ZDHHC3: variants seen among roughly 807,000 people sequenced by gnomAD.
ZDHHC3 encodes the protein zDHHC palmitoyltransferase 3.
In ZDHHC3, 9 loss-of-function variants were observed where a neutral mutation model predicts 30.6. The ratio of observed to expected loss-of-function variants is 0.29; its 90% CI spans 0.18 to 0.51. ZDHHC3 has a LOEUF of 0.51. Ranked by LOEUF, ZDHHC3 falls within the 20% of genes least tolerant of loss-of-function variation. The pLI is 0.97. For missense variants in ZDHHC3, 246 were observed against 384.2 expected (o/e 0.64, Z 3.01); for synonymous variants, 136 against 140.2 (o/e 0.97, Z 0.21).
chr3:44,964,807 C>G (rs1230956304), intron 1 of ZDHHC3, among the ~76,000 whole-genome samples: 1 of 152,194 alleles, frequency 6.6e-6, no homozygotes, highest in Non-Finnish European at 1.5e-5. Context: ...CATTTTGTAA[C>G]TTGAATTATA....
rs192702886 is a variant in ZDHHC3 at position 44,917,319 on chromosome 3, C to T, written c.*9370G>A. On this transcript the variant is annotated 3_prime_UTR_variant, in exon 7 of 7. Coordinates refer to ENST00000424952, the MANE Select transcript of ZDHHC3 (RefSeq NM_001135179.2). Reference sequence around the variant, plus strand: ...CAGGTAGATGTGGCAGCCACCTCTACCTCCTAATTTCGGCAGGCAGCATGG... The same window carrying T: ...CAGGTAGATGTGGCAGCCACCTCTATCTCCTAATTTCGGCAGGCAGCATGG... 2.4e-3 allele frequency: 391 copies of T among 162,276 alleles called. No individual in the cohort carries two copies. Among genetic ancestry groups the T allele is most frequent in the Middle Eastern group, 0.017 (5 of 296 alleles). The allele number at this position is 162,276 out of a possible 1,614,324, so 10.1% of individuals were successfully genotyped here.
chr3:44,927,973 C>T (rs1701146656), intron 6 of ZDHHC3, among the ~76,000 whole-genome samples: 1 of 152,212 alleles, frequency 6.6e-6, no homozygotes, highest in South Asian at 2.1e-4. Flanking sequence ...ACACAATTCT[C>T]TTTAGGAATG....
In ZDHHC3 at chr3:44,918,906, C is replaced by T; in HGVS notation, c.*7783G>A. The T allele has an allele frequency of 5.1e-6, 5 of 985,796 alleles. No homozygotes were observed. Among genetic ancestry groups the T allele is most frequent in the Non-Finnish European group, 6.0e-6 (5 of 830,230 alleles). 61.1% of individuals were successfully genotyped at this position (985,796 alleles called of 1,614,324 possible). A position where few individuals can be genotyped will look rare whatever the true frequency, so the allele number is the denominator to read the frequency against. On this transcript the variant is annotated 3_prime_UTR_variant, in exon 7 of 7. Transcript: ENST00000424952. ...CCAGGCCAGCTCTCCAGGCCCACAACACCCTGCACAGAGGCCTTTGACCCT... is the reference window on the plus strand; with the variant it reads ...CCAGGCCAGCTCTCCAGGCCCACAATACCCTGCACAGAGGCCTTTGACCCT...
intron 3 of ZDHHC3, chr3:44,938,156 G>C (rs891181369): frequency 9.9e-6 from 2 of 202,248 alleles, no homozygotes; most frequent in Non-Finnish European, 2.1e-5. Context: ...GCTAATTTTT[G>C]TATTTTTAGT....
At chr3:44,974,846 C>T (rs1210443020) in intron 1 of ZDHHC3, among the ~76,000 whole-genome samples, 1 of 152,146 alleles carries the variant, frequency 6.6e-6, no homozygotes, top group African/African-American at 2.4e-5. Context: ...CCTCCCAATC[C>T]CACTGTGCCC....
intron 2 of ZDHHC3, among the ~76,000 whole-genome samples, chr3:44,958,065 G>A (rs1704109154): frequency 6.6e-6 from 1 of 152,186 alleles, no homozygotes; most frequent in Non-Finnish European, 1.5e-5. Flanking sequence ...TCCCTCAGGC[G>A]ATGGCTGTCC....
At chr3:44,944,675 T>C (rs752861009) in intron 3 of ZDHHC3, among the ~76,000 whole-genome samples, 1 of 152,174 alleles carries the variant, frequency 6.6e-6, no homozygotes, top group African/African-American at 2.4e-5. Context: ...ACAGATAAGA[T>C]GGGGAAATGG....
chr3:44,956,529 A>G (rs538015283), intron 2 of ZDHHC3, among the ~76,000 whole-genome samples: 10 of 152,284 alleles, frequency 6.6e-5, no homozygotes, highest in Non-Finnish European at 1.2e-4. Context: ...GAAACGTGGG[A>G]GCTCTAAAGC....
rs1700885414 is a variant in ZDHHC3, at chr3:44,925,247, C to G, written c.*1442G>C. On this transcript the variant is annotated 3_prime_UTR_variant, in exon 7 of 7. Coordinates refer to ENST00000424952, the MANE Select transcript of ZDHHC3 (RefSeq NM_001135179.2). Reference sequence around the variant, plus strand: ...AATTGAAAAGTGGCAGCATGTTCCACTTACTTTTCTGAAAAATCACATGGC... The same window carrying G: ...AATTGAAAAGTGGCAGCATGTTCCAGTTACTTTTCTGAAAAATCACATGGC... 1 of 985,752 alleles carries G rather than the reference C, an allele frequency of 1.0e-6. No homozygotes were observed. Among genetic ancestry groups the G allele is most frequent in the African/African-American group, 1.7e-5 (1 of 57,252 alleles). 61.1% of individuals were successfully genotyped at this position (985,752 alleles called of 1,614,324 possible).
intron 2 of ZDHHC3, chr3:44,958,582 A>G: frequency 1.3e-6 from 2 of 1,535,982 alleles, no homozygotes; most frequent in Non-Finnish European, 1.7e-6. Flanking sequence ...ACCCACAGAT[A>G]TTCACCAAGA....
chr3:44,947,569 A>G (rs1310160804), intron 2 of ZDHHC3, among the ~76,000 whole-genome samples: 1 of 152,212 alleles, frequency 6.6e-6, no homozygotes, highest in Non-Finnish European at 1.5e-5. Context: ...GCCACAGATA[A>G]AGTGCTCAGT....
At chr3:44,958,499 G>T (rs1704154994) in intron 2 of ZDHHC3, 3 of 1,094,618 alleles carry the variant, frequency 2.7e-6, no homozygotes, top group Non-Finnish European at 2.7e-6. Context: ...ATACCAGGGT[G>T]CACAAACATT....
chr3:44,952,941 A>C (rs1464293002), intron 2 of ZDHHC3, among the ~76,000 whole-genome samples: 1 of 152,242 alleles, frequency 6.6e-6, no homozygotes, highest in Non-Finnish European at 1.5e-5. Context: ...GGACAAGACA[A>C]CATCTGTCAA....
chr3:44,933,876 A>T lies in ZDHHC3; in HGVS notation c.528+12T>A, dbSNP rs1167322157. 1 of 1,613,758 alleles carries T rather than the reference A, an allele frequency of 6.2e-7. No individual in the cohort carries two copies. Among genetic ancestry groups the T allele is most frequent in the East Asian group, 2.2e-5 (1 of 44,884 alleles). ...TCATGGGGGGCAGGGCAGAATTTGC[A>T]AGCTGACTTACTGTAAACAGGACGA... On this transcript the variant is annotated intron_variant, in intron 4 of 6. Transcript: ENST00000424952.
intron 3 of ZDHHC3, among the ~76,000 whole-genome samples, chr3:44,943,193 A>C (rs1702595955): frequency 6.6e-6 from 1 of 152,050 alleles, no homozygotes; most frequent in African/African-American, 2.4e-5. Flanking sequence ...CAACTACATA[A>C]AGTTACATGT....
chr3:44,962,410 A>T (rs1250276917), intron 1 of ZDHHC3, among the ~76,000 whole-genome samples: 1 of 152,080 alleles, frequency 6.6e-6, no homozygotes, highest in Non-Finnish European at 1.5e-5. Flanking sequence ...GTAACTTCCC[A>T]GATAAATGTG....
At chr3:44,952,053 A>G (rs182613012) in intron 2 of ZDHHC3, among the ~76,000 whole-genome samples, 20 of 152,134 alleles carry the variant, frequency 1.3e-4, no homozygotes, top group African/African-American at 4.6e-4. Context: ...ACAAGCTCCA[A>G]CTCAGACCTC....
intron 2 of ZDHHC3, among the ~76,000 whole-genome samples, chr3:44,951,761 C>A (rs971342822): frequency 2.0e-5 from 3 of 152,184 alleles, no homozygotes; most frequent in African/African-American, 4.8e-5. Context: ...CCCCTCCATA[C>A]CAGGGAACTG....
chr3:44,934,220 C>T (rs1358301333), intron 3 of ZDHHC3, among the ~76,000 whole-genome samples: 1 of 152,150 alleles, frequency 6.6e-6, no homozygotes, highest in African/African-American at 2.4e-5. Flanking sequence ...TAGCTTAACA[C>T]ATACATAGGA....
Sources: allele counts gnomAD v4.1 joint callset (sites outside exome capture counted in the v4.1 genomes callset), GRCh38; gene constraint gnomAD v4.1.1; transcripts MANE v1.5; gene names NCBI Gene and HGNC (gene_info 2026-07-23, HGNC 2026-07-21).